RASGRF1: variants seen among roughly 807,000 people sequenced by gnomAD.
RASGRF1 encodes the protein Ras protein specific guanine nucleotide releasing factor 1, also known as ras-specific guanine nucleotide-releasing factor 1.
A neutral mutation model predicts 138.7 loss-of-function variants in RASGRF1; 40 were observed. The ratio of observed to expected loss-of-function variants is 0.29; its 90% confidence interval spans 0.22 to 0.38. RASGRF1 has a LOEUF of 0.38. RASGRF1 is among the 10% of genes least tolerant of loss of function. The pLI, the probability that RASGRF1 is intolerant of heterozygous loss-of-function variation, is 1.00. For missense variants in RASGRF1, 1,108 were observed against 1,650.4 expected, an observed-to-expected ratio of 0.67 and a Z score of 5.69; for synonymous variants, 614 against 663.2, an observed-to-expected ratio of 0.93 and a Z score of 1.14.
At chr15:78,968,475 A>C (rs777160733) in intron 26 of RASGRF1, among the ~76,000 whole-genome samples, 7 of 151,838 alleles carry the variant, frequency 4.6e-5, no homozygotes, top group Non-Finnish European at 1.0e-4. Flanking sequence ...AGGATCTCTG[A>C]TCTCCCTATG....
intron 1 of RASGRF1, among the ~76,000 whole-genome samples, chr15:79,082,245 G>A (rs921957868): frequency 6.6e-6 from 1 of 152,218 alleles, no homozygotes; most frequent in African/African-American, 2.4e-5. Context: ...CAGGCACACA[G>A]TAAGTCTGTA....
At chr15:79,019,726 T>C (rs899279441) in intron 11 of RASGRF1, among the ~76,000 whole-genome samples, 1 of 152,252 alleles carries the variant, frequency 6.6e-6, no homozygotes, top group African/African-American at 2.4e-5. Context: ...CAGTGCCAAC[T>C]GGTCCAGCAG....
At chr15:78,984,621 G>A (rs1208700048) in intron 23 of RASGRF1, 3 of 274,038 alleles carry the variant, frequency 1.1e-5, no homozygotes, top group South Asian at 4.4e-5. Flanking sequence ...GTCCTCTGAC[G>A]GAAGGGTCCT....
At chr15:79,064,593 C>A in intron 1 of RASGRF1, 67 bp from the exon 2 acceptor site, 1 of 1,487,734 alleles carries the variant, frequency 6.7e-7, no homozygotes, top group Non-Finnish European at 9.4e-7. Context: ...CTCTTGCAAT[C>A]AATCTAGCTG....
intron 22 of RASGRF1, among the ~76,000 whole-genome samples, chr15:78,987,685 G>C (rs1469933518): frequency 6.6e-6 from 1 of 152,036 alleles, no homozygotes; most frequent in African/African-American, 2.4e-5. Flanking sequence ...GACAGAGGGA[G>C]ACTGTGTCTT....
rs147457193 is a variant in RASGRF1, at chr15:79,024,393, C to G, written c.1542+921G>C. Among the ~76,000 whole-genome samples, 46 of 151,906 alleles carry G rather than the reference C, an allele frequency of 3.0e-4. 1 individual carries two copies. In the East Asian group the frequency reaches 7.4e-3, roughly 24 times the overall value. ...CATACACACACTATACACAAATACA[C>G]ACATCATATACACAAATATATACAC... On this transcript the variant is annotated intron_variant, in intron 10 of 26. Transcript: ENST00000558480.
rs867071755 is a variant in RASGRF1, at chr15:79,004,326, G to A, written c.2076-151C>T. 197 of 1,104,618 alleles carry A rather than the reference G, an allele frequency of 1.8e-4. No individual in the cohort carries two copies. In the African/African-American group the frequency reaches 2.9e-3, roughly 16 times the overall value. The allele number at this position is 1,104,618 out of a possible 1,614,324, so 68.4% of individuals were successfully genotyped here. On this transcript the variant is annotated intron_variant, in intron 14 of 26. Coordinates refer to ENST00000558480, the MANE Select transcript of RASGRF1 (RefSeq NM_001145648.3). ...ACCCATACTTGAGCTGATCCTCTGA[G>A]CAGGGACAATGCGATTAAATGGCCT...
At position 78,999,726 on chromosome 15, in the gene RASGRF1, G is replaced by A. The variant is rs780231860; in HGVS notation, c.2746+17C>T. 14 of 1,610,294 alleles carry A rather than the reference G, an allele frequency of 8.7e-6. No homozygotes were observed. In the African/African-American group the frequency reaches 1.9e-4, roughly 22 times the overall value. The stretch of plus-strand genomic sequence containing the variant: ...GACCATGGGGAGGACCCTGTGAGTG[G>A]AGAACACCCCACATACCTGCACTGG... On this transcript the variant is annotated intron_variant, in intron 17 of 26. Coordinates refer to ENST00000558480, the MANE Select transcript of RASGRF1 (RefSeq NM_001145648.3).
In RASGRF1 at chr15:79,003,838, C is replaced by G; in HGVS notation, c.2413G>C (p.Glu805Gln). 6.2e-7 allele frequency: 1 copy of G among 1,611,732 alleles called. No homozygotes were observed. The highest frequency in any genetic ancestry group is 8.5e-7 in the Non-Finnish European group (1 of 1,178,928). The change falls in exon 15 of 27, where the codon GAG becomes CAG. Residue 805 changes from glutamate to glutamine, a missense_variant. Glu to Gln is a conservative substitution (Grantham distance 29). Around this residue, in one of 3 missense-constraint regions of RASGRF1, gnomAD observed 686 missense variants for 976.7 expected, o/e 0.70. Coordinates refer to ENST00000558480, the MANE Select transcript of RASGRF1 (RefSeq NM_001145648.3). ...AGCGCTGAAGGGTCTTCGGGCTTCT[C>G]AGGGGTCGTATCGCCCTCATCTGGA... ...KIPDEGDTTP[E>Q]KPEDPSALSK...
In RASGRF1 at chr15:78,998,721, G is replaced by T; in HGVS notation, c.2851C>A (p.Gln951Lys). The change falls in exon 18 of 27, where the codon CAG (glutamine) becomes AAG (lysine). Residue 951 changes from glutamine (Q) to lysine (K), a missense_variant and splice_region_variant. By Grantham distance (53) the Gln-to-Lys change is moderately conservative. This residue lies in a region of RASGRF1 where 686 missense variants were observed against 976.7 expected (regional missense o/e 0.70). Transcript: ENST00000558480. ...VLRHWVSKHS[Q>K]DFETNDELKC... ...GCCCAGGGAGGGCTCCCACCCACCTGAGAGTGCTTGGACACCCAGTGGCGG... is the reference window on the plus strand; with the variant it reads ...GCCCAGGGAGGGCTCCCACCCACCTTAGAGTGCTTGGACACCCAGTGGCGG... The T allele has an allele frequency of 6.2e-7, 1 of 1,612,546 alleles. No individual in the cohort carries two copies. The highest frequency in any genetic ancestry group is 8.5e-7 in the Non-Finnish European group (1 of 1,178,592).
intron 13 of RASGRF1, among the ~76,000 whole-genome samples, chr15:79,010,045 T>C (rs2056765249): frequency 6.6e-6 from 1 of 150,654 alleles, no homozygotes. Context: ...TTTTTTTTTT[T>C]TTCTTTTGAG....
intron 1 of RASGRF1, among the ~76,000 whole-genome samples, chr15:79,067,732 T>C (rs575132150): frequency 6.6e-6 from 1 of 152,144 alleles, no homozygotes; most frequent in East Asian, 1.9e-4. Flanking sequence ...AGCAAGTAAA[T>C]GAGACTTTGC....
intron 26 of RASGRF1, among the ~76,000 whole-genome samples, chr15:78,967,074 G>A (rs1472087694): frequency 1.3e-5 from 2 of 151,660 alleles, no homozygotes; most frequent in African/African-American, 2.4e-5. Context: ...AGGCCAAGAC[G>A]ACAGGATCAC....
At chr15:79,074,461 C>A (rs1263168471) in intron 1 of RASGRF1, among the ~76,000 whole-genome samples, 2 of 152,346 alleles carry the variant, frequency 1.3e-5, no homozygotes, top group East Asian at 3.9e-4. Flanking sequence ...AGCCTCAGCA[C>A]TACCAGAGCA....
chr15:79,045,072 A>G (rs1437881833), intron 5 of RASGRF1, among the ~76,000 whole-genome samples: 1 of 152,178 alleles, frequency 6.6e-6, no homozygotes, highest in African/African-American at 2.4e-5. Context: ...ACAACATAGA[A>G]CTACACTACT....
intron 5 of RASGRF1, among the ~76,000 whole-genome samples, chr15:79,035,840 C>T (rs734446): frequency 0.26 from 38,990 of 152,164 alleles, 5,834 homozygotes; most frequent in East Asian, 0.5. Flanking sequence ...GCTCAGAAAA[C>T]GCTAGTTTCC....
chr15:79,032,223 T>G lies in RASGRF1; in HGVS notation c.1052A>C (p.Lys351Thr). Reference protein sequence around the residue: ...QYSLQILAHCKQNRDFDKLLK... With the variant: ...QYSLQILAHCTQNRDFDKLLK... ...CAGCTTGTCGAAGTCACGGTTCTGC[T>G]TGCAGTGGGCCAGGATCTGCAGGCT... The change falls in exon 7 of 27, where the codon AAG becomes ACG. Residue 351 changes from lysine (K) to threonine (T), a missense_variant. Transcript: ENST00000558480. The surrounding 1 kb of genome is among the most constrained non-coding windows in gnomAD (Gnocchi z 4.5). The G allele has an allele frequency of 7.4e-6, 12 of 1,614,002 alleles. No homozygotes were observed. Among genetic ancestry groups the G allele is most frequent in the Non-Finnish European group, 1.0e-5 (12 of 1,179,940 alleles).
intron 16 of RASGRF1, 145 bp downstream of exon 16, chr15:79,001,517 G>A: frequency 9.3e-7 from 1 of 1,078,522 alleles, no homozygotes; most frequent in Non-Finnish European, 1.3e-6. Flanking sequence ...GTGGTGGGTG[G>A]GTTATGAAAT....
At position 79,049,564 on chromosome 15, in the gene RASGRF1, C is replaced by T. The variant is rs866764896; in HGVS notation, c.556G>A (p.Glu186Lys). 1 of 1,613,806 alleles carries T rather than the reference C, an allele frequency of 6.2e-7. No individual in the cohort carries two copies. Residue 186 changes from glutamate to lysine, a missense_variant, in exon 4 of 27, where the codon GAG becomes AAG. By Grantham distance (56) the Glu-to-Lys change is moderately conservative. Transcript: ENST00000558480. ...ACAGTCTGGGTGGACTGGATGCGCT[C>T]ATTGTCCTTGAGCAGGGATGTGATC... ...AEITSLLKDNERIQSTQTVAP... is the reference protein window; with the variant it reads ...AEITSLLKDNKRIQSTQTVAP...
Sources: allele counts gnomAD v4.1 joint callset (sites outside exome capture counted in the v4.1 genomes callset), GRCh38; gene constraint gnomAD v4.1.1; regional missense constraint gnomAD v4.1.1; non-coding constraint Gnocchi (gnomAD v3.1); transcripts MANE v1.5; gene names NCBI Gene and HGNC (gene_info 2026-07-23, HGNC 2026-07-21).